Variants in DDI2 observed in about 807,000 individuals in gnomAD.
The protein encoded by DDI2 is protein DDI1 homolog 2.
In DDI2, 5 loss-of-function variants were observed where a neutral mutation model predicts 48.1. That is an observed-to-expected ratio of 0.10 (90% CI 0.05 to 0.22). The LOEUF (loss-of-function observed/expected upper bound fraction) is 0.22. Ranked by LOEUF, DDI2 falls within the 10% of genes least tolerant of loss-of-function variation. The pLI, the probability that DDI2 is intolerant of heterozygous loss-of-function variation, is 1.00. For missense variants in DDI2, 285 were observed against 506.2 expected, an observed-to-expected ratio of 0.56 and a Z score of 4.19; for synonymous variants, 205 against 183.6, an observed-to-expected ratio of 1.12 and a Z score of -0.94.
chr1:15,636,483 C>CA (rs535778372), intron 4 of DDI2, among the ~76,000 whole-genome samples: 52,902 of 142,206 alleles, frequency 0.37, 11,045 homozygotes, highest in African/African-American at 0.59. Flanking sequence ...TAAAACAGGG[C>CA]AAAAAAAAAA....
rs1038346640 is a variant in DDI2, at chr1:15,638,442, C to T, written c.760+8C>T. 2 of 1,610,750 alleles carry T rather than the reference C, an allele frequency of 1.2e-6. No individual in the cohort carries two copies. The highest frequency in any genetic ancestry group is 1.7e-6 in the Non-Finnish European group (2 of 1,178,380). ...AAGCCTTTGTTGACTCAGGTGACGT[C>T]TCTGTCTTTTATTTCTTGGTCTCCC... is the stretch of plus-strand genomic sequence containing the variant. On this transcript the variant is annotated splice_region_variant and intron_variant, in intron 5 of 9. Coordinates refer to ENST00000480945, the MANE Select transcript of DDI2 (RefSeq NM_032341.5).
chr1:15,658,224 A>G (rs1640300430), intron 9 of DDI2, among the ~76,000 whole-genome samples: 1 of 151,958 alleles, frequency 6.6e-6, no homozygotes, highest in Non-Finnish European at 1.5e-5. Context: ...GTCTTGGCTC[A>G]CTGCAACCTC....
intron 1 of DDI2, among the ~76,000 whole-genome samples, chr1:15,624,079 T>G (rs917362369): frequency 6.6e-6 from 1 of 152,070 alleles, no homozygotes; most frequent in African/African-American, 2.4e-5. Flanking sequence ...TAAATACCGT[T>G]AAAATGTGCC....
chr1:15,631,265 C>T (rs1453711495), intron 3 of DDI2, among the ~76,000 whole-genome samples: 1 of 152,220 alleles, frequency 6.6e-6, no homozygotes, highest in African/African-American at 2.4e-5. Flanking sequence ...ACCATAACCT[C>T]AGTCCACTCC....
rs1053235312 is a variant in DDI2, at chr1:15,665,913, A to G, written c.*6123A>G. 1.3e-5 allele frequency: 2 copies of G among 152,096 alleles called. No individual in the cohort carries two copies. The highest frequency in any genetic ancestry group is 1.5e-5 in the Non-Finnish European group (1 of 68,018). The allele number at this position is 152,096 out of a possible 1,614,324, so 9.4% of individuals were successfully genotyped here. On this transcript the variant is annotated 3_prime_UTR_variant, in exon 10 of 10. Coordinates refer to ENST00000480945, the MANE Select transcript of DDI2 (RefSeq NM_032341.5). ...AGAAGCTGACCAGATTATGCATTCT[A>G]CTGTTCTCTAGCACAAGTACTCACC...
rs2148313827 is a variant in DDI2 at position 15,668,601 on chromosome 1, C to T, written c.*8811C>T. 6.6e-6 allele frequency: 1 copy of T among 152,280 alleles called. No individual in the cohort carries two copies. The allele number at this position is 152,280 out of a possible 1,614,324, so 9.4% of individuals were successfully genotyped here. ...TTTGGCAAATCTTAGCAACTAGAAA[C>T]CCCGTCCTTTCTTTTCCTTCTTTAT... On this transcript the variant is annotated 3_prime_UTR_variant, in exon 10 of 10. Coordinates refer to ENST00000480945, the MANE Select transcript of DDI2 (RefSeq NM_032341.5).
chr1:15,656,743 C>T (rs1312651608), intron 9 of DDI2, 64 bp downstream of exon 9: 12 of 1,603,192 alleles, frequency 7.5e-6, no homozygotes, highest in Admixed American at 1.7e-5. Context: ...CAGTCTGTAT[C>T]CGCAGCAGTT....
chr1:15,620,648 C>A (rs144066281), intron 1 of DDI2, among the ~76,000 whole-genome samples: 140 of 152,218 alleles, frequency 9.2e-4, no homozygotes, highest in African/African-American at 3.2e-3. Flanking sequence ...ATTCATGTAT[C>A]CCTATCAGTA....
chr1:15,633,659 T>C (rs2103467187), intron 4 of DDI2, 94 bp downstream of exon 4: 1 of 1,567,666 alleles, frequency 6.4e-7, no homozygotes, highest in South Asian at 1.1e-5. Flanking sequence ...TGCTTGGAGG[T>C]AGCTTCTCTG....
At chr1:15,655,189 A>G (rs1290056473) in intron 8 of DDI2, among the ~76,000 whole-genome samples, 1 of 152,232 alleles carries the variant, frequency 6.6e-6, no homozygotes, top group Non-Finnish European at 1.5e-5. Flanking sequence ...TGCTGGTAGT[A>G]TAGCTTGTGC....
At chr1:15,632,105 G>A (rs777352774) in intron 3 of DDI2, among the ~76,000 whole-genome samples, 3 of 152,070 alleles carry the variant, frequency 2.0e-5, no homozygotes, top group Non-Finnish European at 4.4e-5. Context: ...CTCCCAGCTC[G>A]TGTTAGGCTT....
In DDI2 at chr1:15,660,187, G is replaced by T. The variant is rs1640342529; in HGVS notation, c.*397G>T. On this transcript the variant is annotated 3_prime_UTR_variant, in exon 10 of 10. Coordinates refer to ENST00000480945, the MANE Select transcript of DDI2 (RefSeq NM_032341.5). Reference sequence around the variant, plus strand: ...GAATTCATCCGAAGAAATAACTGTTGCAGGTAATCTGGAGAAATCTGCTGA... The same window carrying T: ...GAATTCATCCGAAGAAATAACTGTTTCAGGTAATCTGGAGAAATCTGCTGA... The T allele has an allele frequency of 6.2e-7, 1 of 1,614,094 alleles. No individual in the cohort carries two copies. The highest frequency in any genetic ancestry group is 1.3e-5 in the African/African-American group (1 of 74,926).
intron 4 of DDI2, 109 bp downstream of exon 4, chr1:15,633,674 G>A: frequency 1.3e-6 from 2 of 1,526,504 alleles, no homozygotes; most frequent in Non-Finnish European, 1.8e-6. Flanking sequence ...TCTCTGTTTT[G>A]CAGTTGAGAT....
chr1:15,659,785 G>A (rs1640331933), intron 9 of DDI2, 52 bp from the exon 10 acceptor site: 2 of 1,468,156 alleles, frequency 1.4e-6, no homozygotes, highest in Non-Finnish European at 1.8e-6. Flanking sequence ...TAATTTAGTG[G>A]CATTAGTCAC....
Position 15,665,150 on chromosome 1 carries a change from T to C in DDI2, c.*5360T>C, listed in dbSNP as rs55913949. 0.2 allele frequency: 30,599 copies of C among 151,612 alleles called. 3,204 individuals are homozygous for C. The highest frequency in any genetic ancestry group is 0.25 in the Middle Eastern group (74 of 296). The allele number at this position is 151,612 out of a possible 1,614,324, so 9.4% of individuals were successfully genotyped here. A position where few individuals can be genotyped will look rare whatever the true frequency, so the allele number is the denominator to read the frequency against. ...GGTGGCCCATGCCTGTAATTCCAGC[T>C]ACTCGGGAGGCTGAGGCAGGAGAAT... is the stretch of plus-strand genomic sequence containing the variant. On this transcript the variant is annotated 3_prime_UTR_variant, in exon 10 of 10. Transcript: ENST00000480945.
intron 5 of DDI2, among the ~76,000 whole-genome samples, chr1:15,642,634 C>T (rs1249843770): frequency 6.6e-6 from 1 of 152,130 alleles, no homozygotes; most frequent in African/African-American, 2.4e-5. Context: ...ATAAAAACAA[C>T]TTGATAGGGC....
chr1:15,648,826 C>T (rs1640130059), intron 6 of DDI2, among the ~76,000 whole-genome samples: 1 of 124,752 alleles, frequency 8.0e-6, no homozygotes, highest in Admixed American at 7.9e-5. Context: ...ACGTAGCAGA[C>T]CCTGTCTCAA....
chr1:15,635,982 G>T (rs754853998), intron 4 of DDI2, among the ~76,000 whole-genome samples: 13 of 152,216 alleles, frequency 8.5e-5, no homozygotes, highest in Non-Finnish European at 1.9e-4. Flanking sequence ...GTGAACACAG[G>T]TTCGATAGCT....
chr1:15,624,216 C>T (rs1639717670), intron 1 of DDI2, among the ~76,000 whole-genome samples: 1 of 152,162 alleles, frequency 6.6e-6, no homozygotes, highest in South Asian at 2.1e-4. Context: ...TAAGAGCCTG[C>T]CTACCTGCCA....
Sources: allele counts gnomAD v4.1 joint callset (sites outside exome capture counted in the v4.1 genomes callset), GRCh38; gene constraint gnomAD v4.1.1; transcripts MANE v1.5; gene names NCBI Gene and HGNC (gene_info 2026-07-23, HGNC 2026-07-21).